DMD: variants seen among roughly 807,000 people sequenced by gnomAD.
DMD encodes the protein mutant dystrophin.
A neutral mutation model predicts 330.1 loss-of-function variants in DMD; 63 were observed. The observed-to-expected ratio is 0.19, with a 90% CI of 0.16 to 0.24. DMD has a LOEUF of 0.24. Among genes scored for constraint, DMD ranks in the 10% least tolerant of loss-of-function variants. DMD has a pLI of 1.00. For missense variants in DMD, 3,344 were observed against 2,684.1 expected (o/e 1.25, Z -5.43); for synonymous variants, 1,223 against 959.8 (o/e 1.27, Z -5.07).
intron 51 of DMD, among the ~76,000 whole-genome samples, chrX:31,766,272 A>G (rs923624847): frequency 2.1e-4 from 24 of 111,856 alleles, no homozygotes; most frequent in African/African-American, 7.8e-4. Flanking sequence ...TTATTTATTT[A>G]TTTGAGACGG....
chrX:33,308,486 T>G (rs2053797076), intron 1 of DMD, among the ~76,000 whole-genome samples: 1 of 112,137 alleles, frequency 8.9e-6, no homozygotes, highest in African/African-American at 3.2e-5. Context: ...GCAAACAGTC[T>G]TTATTTTGAA....
intron 74 of DMD, among the ~76,000 whole-genome samples, chrX:31,162,102 A>G (rs2038884516): frequency 9.0e-6 from 1 of 111,386 alleles, no homozygotes; most frequent in Admixed American, 9.6e-5. Flanking sequence ...GGATATAAGT[A>G]GTTGTTTCTA....
chrX:32,544,025 AT>A (rs2048735690), intron 17 of DMD, among the ~76,000 whole-genome samples: 1 of 111,875 alleles, frequency 8.9e-6, no homozygotes, highest in African/African-American at 3.2e-5. Flanking sequence ...TCTTTTGATT[AT>A]TTTCAACCAT....
intron 1 of DMD, among the ~76,000 whole-genome samples, chrX:33,188,501 A>T (rs916967965): frequency 1.8e-5 from 2 of 109,638 alleles, no homozygotes; most frequent in Non-Finnish European, 3.8e-5. Context: ...AACTCAGGGG[A>T]AAAAAAACAG....
chrX:33,303,630 C>G (rs1014089842), intron 1 of DMD, among the ~76,000 whole-genome samples: 6 of 111,075 alleles, frequency 5.4e-5, no homozygotes, highest in Non-Finnish European at 1.1e-4. Context: ...GGTGGTTTCC[C>G]CATGCTATTC....
chrX:33,034,199 T>G (rs765236416), intron 1 of DMD, among the ~76,000 whole-genome samples: 1 of 111,358 alleles, frequency 9.0e-6, no homozygotes, highest in Non-Finnish European at 1.9e-5. Flanking sequence ...AAAACATTAG[T>G]TTTTGATTAG....
chrX:32,839,193 TC>T (rs2079931405), intron 4 of DMD, among the ~76,000 whole-genome samples: 2 of 110,650 alleles, frequency 1.8e-5, no homozygotes, highest in Admixed American at 1.9e-4. Context: ...CTGCTATGTT[TC>T]CTTTATCTCT....
chrX:31,363,340 G>A (rs1364771392), intron 60 of DMD, among the ~76,000 whole-genome samples: 2 of 104,750 alleles, frequency 1.9e-5, no homozygotes, highest in Non-Finnish European at 3.9e-5. Flanking sequence ...AAAGGTTTCC[G>A]TGGCCTCTTT....
chrX:32,331,892 C>T (rs909344826), intron 41 of DMD, among the ~76,000 whole-genome samples: 2 of 111,713 alleles, frequency 1.8e-5, no homozygotes, highest in Middle Eastern at 4.8e-3. Flanking sequence ...TTATTTTATA[C>T]ATAGTGATGG....
chrX:31,363,672 C>A (rs1002754506), intron 60 of DMD, among the ~76,000 whole-genome samples: 4 of 111,840 alleles, frequency 3.6e-5, no homozygotes, highest in African/African-American at 1.3e-4. Context: ...GCCACCGTGC[C>A]CGGCCAAGAC....
chrX:33,067,230 G>C (rs1200959894), intron 1 of DMD, among the ~76,000 whole-genome samples: 1 of 112,162 alleles, frequency 8.9e-6, no homozygotes, highest in East Asian at 2.8e-4. Flanking sequence ...CAATGAAGAT[G>C]GAAATAGGGT....
intron 1 of DMD, among the ~76,000 whole-genome samples, chrX:33,228,650 T>C (rs1797488916): frequency 9.2e-6 from 1 of 109,127 alleles, no homozygotes; most frequent in Non-Finnish European, 1.9e-5. Context: ...AGATAAAGTA[T>C]ATTAGGCTAT....
chrX:33,184,273 T>G (rs1352047912), intron 1 of DMD, among the ~76,000 whole-genome samples: 2 of 112,302 alleles, frequency 1.8e-5, no homozygotes, highest in Non-Finnish European at 3.8e-5. Context: ...TAAACAAAAG[T>G]ACATGCACAC....
intron 42 of DMD, among the ~76,000 whole-genome samples, chrX:32,308,902 C>T (rs547734660): frequency 1.8e-5 from 2 of 111,006 alleles, no homozygotes; most frequent in South Asian, 7.4e-4. Context: ...AACTATGCTG[C>T]CATGAGAACT....
chrX:31,340,232 A>G (rs7877031), intron 61 of DMD, among the ~76,000 whole-genome samples: 8,545 of 112,294 alleles, frequency 0.076, 281 homozygotes, highest in Middle Eastern at 0.13. Flanking sequence ...ATAATGGATC[A>G]GTTATTTCTT....
intron 66 of DMD, 92 bp downstream of exon 66, chrX:31,206,489 TG>T: frequency 1.3e-6 from 1 of 794,466 alleles, no homozygotes; most frequent in Non-Finnish European, 1.9e-6. Flanking sequence ...AGGAATCTGC[TG>T]TCAAATAAGA....
intron 44 of DMD, among the ~76,000 whole-genome samples, chrX:32,073,149 GA>G (rs758151498): frequency 9.0e-6 from 1 of 111,717 alleles, no homozygotes; most frequent in Non-Finnish European, 1.9e-5. Context: ...GTAAGAAGGG[GA>G]AAAAAAGCAA....
At chrX:33,113,421 T>C (rs1262818688) in intron 1 of DMD, among the ~76,000 whole-genome samples, 2 of 111,821 alleles carry the variant, frequency 1.8e-5, no homozygotes, top group African/African-American at 6.5e-5. Flanking sequence ...GGGAAAAAAA[T>C]AGTTTTTGAT....
intron 56 of DMD, among the ~76,000 whole-genome samples, chrX:31,498,142 G>T (rs1444569263): frequency 9.0e-6 from 1 of 111,551 alleles, no homozygotes; most frequent in Non-Finnish European, 1.9e-5. Flanking sequence ...ATGACCCACA[G>T]GCTTAAATTC....
Sources: allele counts gnomAD v4.1 joint callset (sites outside exome capture counted in the v4.1 genomes callset), GRCh38; gene constraint gnomAD v4.1.1; transcripts MANE v1.5; gene names NCBI Gene and HGNC (gene_info 2026-07-23, HGNC 2026-07-21).